The following SSR1 variants were observed in gnomAD, a reference collection of about 807,000 sequenced individuals.
SSR1 encodes the protein signal sequence receptor subunit 1.
SSR1 carries 13 observed loss-of-function variants against 36.1 expected under a neutral mutation model. The ratio of observed to expected loss-of-function variants is 0.36; its 90% CI spans 0.23 to 0.57. The LOEUF is 0.57. SSR1 is among the 20% of genes least tolerant of loss of function. The probability of loss-of-function intolerance (pLI) is 0.81; values close to 1 mark genes in which losing one functional copy is unlikely to be tolerated. For synonymous variants in SSR1, 113 were observed against 118.9 expected, an observed-to-expected ratio of 0.95 and a Z score of 0.32; for missense variants, 291 against 338.5, an observed-to-expected ratio of 0.86 and a Z score of 1.10.
At chr6:7,305,177 G>C (rs146037044) in intron 2 of SSR1, among the ~76,000 whole-genome samples, 1 of 152,108 alleles carries the variant, frequency 6.6e-6, no homozygotes, top group Admixed American at 6.6e-5. Context: ...AAAAACAAAC[G>C]GAAGAAGTAA....
intron 7 of SSR1, among the ~76,000 whole-genome samples, chr6:7,292,289 G>A (rs1388904672): frequency 6.6e-6 from 1 of 152,118 alleles, no homozygotes; most frequent in African/African-American, 2.4e-5. Context: ...CCTAGATTAT[G>A]GGACATTAAT....
intron 1 of SSR1, among the ~76,000 whole-genome samples, chr6:7,311,642 G>T (rs1322722589): frequency 6.6e-6 from 1 of 152,100 alleles, no homozygotes; most frequent in Admixed American, 6.5e-5. Context: ...TTAAATTTGA[G>T]CACTTTGGAA....
At chr6:7,312,961 G>GGCCACC in intron 1 of SSR1, 81 bp downstream of exon 1, 1 of 1,402,926 alleles carries the variant, frequency 7.1e-7, no homozygotes, top group Non-Finnish European at 9.8e-7. Flanking sequence ...GACCCGGAGC[G>GGCCACC]GCCACCGCCT....
rs967465575 is a variant in SSR1 at position 7,298,604 on chromosome 6, T to C, written c.620+143A>G. On this transcript the variant is annotated intron_variant, in intron 5 of 7. Transcript: ENST00000244763. Reference sequence around the variant, plus strand: ...TTATAGTTATAAGAATCATCTGAAGTATGAATGAATATCGTAAGGATTTCA... The same window carrying C: ...TTATAGTTATAAGAATCATCTGAAGCATGAATGAATATCGTAAGGATTTCA... The C allele has an allele frequency of 1.8e-5, 11 of 602,476 alleles. No homozygotes were observed. The African/African-American group carries it at 1.9e-4, about 10-fold the overall frequency. 37.3% of individuals were successfully genotyped at this position (602,476 alleles called of 1,614,324 possible).
chr6:7,298,896 AAC>A lies in SSR1; in HGVS notation c.544-75_544-74del, dbSNP rs1198117529. 26 of 1,207,880 alleles carry A rather than the reference AAC, an allele frequency of 2.2e-5. No individual in the cohort carries two copies. The Middle Eastern group carries it at 5.7e-4, about 26-fold the overall frequency. The allele number at this position is 1,207,880 out of a possible 1,614,324, so 74.8% of individuals were successfully genotyped here. ...AAGTAAAACATGTAACATTACTTAA[AAC>A]AGTTACTCTAACAGATTGAATATAG... On this transcript the variant is annotated intron_variant, in intron 4 of 7. Transcript: ENST00000244763.
At chr6:7,301,914 A>AC (rs1220109879) in intron 3 of SSR1, among the ~76,000 whole-genome samples, 1 of 152,116 alleles carries the variant, frequency 6.6e-6, no homozygotes, top group African/African-American at 2.4e-5. Context: ...AGTCACCTTC[A>AC]CCTCCAGCTT....
chr6:7,285,044 G>A lies in SSR1; in HGVS notation c.*4820C>T, dbSNP rs1362144182. ...ACCATACTAACTCACATGGAAGAAT[G>A]GCAAATGAAAACTGGCCCACATTTT... is the stretch of plus-strand genomic sequence containing the variant. On this transcript the variant is annotated 3_prime_UTR_variant, in exon 8 of 8. Coordinates refer to ENST00000244763, the MANE Select transcript of SSR1 (RefSeq NM_003144.5). The surrounding 1 kb of genome is among the most constrained non-coding windows in gnomAD (Gnocchi z 4.1). 1 of 152,158 alleles carries A rather than the reference G, an allele frequency of 6.6e-6. No individual in the cohort carries two copies. Among genetic ancestry groups the A allele is most frequent in the Non-Finnish European group, 1.5e-5 (1 of 68,028 alleles). 9.4% of individuals were successfully genotyped at this position (152,158 alleles called of 1,614,324 possible).
At chr6:7,312,901 G>C in intron 1 of SSR1, 141 bp downstream of exon 1, 1 of 828,220 alleles carries the variant, frequency 1.2e-6, no homozygotes, top group Non-Finnish European at 1.9e-6. Flanking sequence ...TACGAGCCTA[G>C]GCTTGGGGAG....
At chr6:7,312,553 C>G (rs1460824405) in intron 1 of SSR1, among the ~76,000 whole-genome samples, 1 of 152,214 alleles carries the variant, frequency 6.6e-6, no homozygotes, top group Admixed American at 6.5e-5. Flanking sequence ...GTGTAGAAAA[C>G]AAGGGTTTTG....
In SSR1 at chr6:7,310,074, T is replaced by C. The variant is rs976539655; in HGVS notation, c.80-45A>G. 7 of 1,514,130 alleles carry C rather than the reference T, an allele frequency of 4.6e-6. No individual in the cohort carries two copies. In the African/African-American group the frequency reaches 7.0e-5, roughly 15 times the overall value. The allele number at this position is 1,514,130 out of a possible 1,614,324, so 93.8% of individuals were successfully genotyped here. A position where few individuals can be genotyped will look rare whatever the true frequency, so the allele number is the denominator to read the frequency against. On this transcript the variant is annotated intron_variant, in intron 1 of 7. Coordinates refer to ENST00000244763, the MANE Select transcript of SSR1 (RefSeq NM_003144.5). ...AAAGCAGTTACCCTTTACTCTGAAA[T>C]ACTAATTTCTTTTTTTAACATCAGG...
chr6:7,308,785 T>C (rs993235977), intron 2 of SSR1, among the ~76,000 whole-genome samples: 3 of 152,108 alleles, frequency 2.0e-5, no homozygotes, highest in Non-Finnish European at 4.4e-5. Context: ...AATATCTGGT[T>C]TGCCCACCCA....
At chr6:7,301,628 T>C (rs1330872114) in intron 3 of SSR1, 56 bp from the exon 4 acceptor site, 1 of 1,524,086 alleles carries the variant, frequency 6.6e-7, no homozygotes, top group Admixed American at 2.0e-5. Context: ...GCACAAAATA[T>C]TTAAAAAGGC....
Position 7,285,684 on chromosome 6 carries a change from A to G in SSR1, c.*4180T>C, listed in dbSNP as rs935315026. ...ATACAGTGAGACCCCATGTCAAAAA[A>G]AAAAAGAAAAAGAAAAAGAAAAAAG... is the stretch of plus-strand genomic sequence containing the variant. On this transcript the variant is annotated 3_prime_UTR_variant, in exon 8 of 8. Transcript: ENST00000244763. This position sits in a 1 kb window ranked among gnomAD's most constrained non-coding sequence, Gnocchi z 4.1. 3.5e-5 allele frequency: 4 copies of G among 114,640 alleles called. No homozygotes were observed. The highest frequency in any genetic ancestry group is 1.1e-4 in the African/African-American group (3 of 28,544). 7.1% of individuals were successfully genotyped at this position (114,640 alleles called of 1,614,324 possible). A position where few individuals can be genotyped will look rare whatever the true frequency, so the allele number is the denominator to read the frequency against.
intron 1 of SSR1, 38 bp downstream of exon 1, chr6:7,313,004 T>C: frequency 1.3e-6 from 2 of 1,565,358 alleles, no homozygotes; most frequent in Non-Finnish European, 1.7e-6. Context: ...TGGCATCTCC[T>C]TCCTGGCCAT....
chr6:7,297,800 G>A, intron 6 of SSR1, 123 bp downstream of exon 6: 1 of 628,886 alleles, frequency 1.6e-6, no homozygotes, highest in South Asian at 2.0e-5. Flanking sequence ...TTTTAAAAAG[G>A]TACAACAAAG....
At chr6:7,297,280 A>G (rs1757822003) in intron 6 of SSR1, 2 of 161,728 alleles carry the variant, frequency 1.2e-5, no homozygotes, top group Non-Finnish European at 2.7e-5. Context: ...TGCAGATAAA[A>G]TAGCATACCC....
chr6:7,299,525 C>T (rs1757882761), intron 4 of SSR1, among the ~76,000 whole-genome samples: 2 of 151,960 alleles, frequency 1.3e-5, no homozygotes, highest in Non-Finnish European at 2.9e-5. Flanking sequence ...ATGGAGAAAC[C>T]CCCTCTCTAC....
At chr6:7,311,185 A>G (rs892712484) in intron 1 of SSR1, among the ~76,000 whole-genome samples, 12 of 152,236 alleles carry the variant, frequency 7.9e-5, no homozygotes, top group African/African-American at 2.9e-4. Flanking sequence ...ATTTTTTCTC[A>G]AACTTAGTGT....
chr6:7,310,129 A>G, intron 1 of SSR1, 100 bp from the exon 2 acceptor site: 2 of 763,566 alleles, frequency 2.6e-6, no homozygotes, highest in East Asian at 5.2e-5. Flanking sequence ...CCTTGGACTA[A>G]CAGAATCTCC....
Sources: allele counts gnomAD v4.1 joint callset (sites outside exome capture counted in the v4.1 genomes callset), GRCh38; gene constraint gnomAD v4.1.1; non-coding constraint Gnocchi (gnomAD v3.1); transcripts MANE v1.5; gene names NCBI Gene and HGNC (gene_info 2026-07-23, HGNC 2026-07-21).